TTLL5: variants seen among roughly 807,000 people sequenced by gnomAD.
TTLL5 encodes the protein tubulin polyglutamylase TTLL5.
In TTLL5, 132 loss-of-function variants were observed where a neutral mutation model predicts 168.4. The observed-to-expected ratio is 0.78, with a 90% CI of 0.68 to 0.91. The LOEUF (loss-of-function observed/expected upper bound fraction) is 0.91. Among genes scored for constraint, TTLL5 ranks in the 40% least tolerant of loss-of-function variants. The pLI is 0.00. For synonymous variants in TTLL5, 546 were observed against 558.6 expected, an observed-to-expected ratio of 0.98 and a Z score of 0.32; for missense variants, 1,545 against 1,581.5, an observed-to-expected ratio of 0.98 and a Z score of 0.39.
rs78743176 is a variant in TTLL5, at chr14:75,927,682, C to T, written c.3823+25458C>T. Among the ~76,000 whole-genome samples the T allele has an allele frequency of 6.5e-3, 990 of 152,318 alleles. 58 individuals are homozygous for T. In the East Asian group the frequency reaches 0.15, roughly 24 times the overall value. Reference sequence around the variant, plus strand: ...TCTGCTCTGCCCCTGCTGTTTTATCCTCCCAGGAAAGGTGGTGTGCCTAGG... The same window carrying T: ...TCTGCTCTGCCCCTGCTGTTTTATCTTCCCAGGAAAGGTGGTGTGCCTAGG... On this transcript the variant is annotated intron_variant, in intron 31 of 31. Coordinates refer to ENST00000298832, the MANE Select transcript of TTLL5 (RefSeq NM_015072.5).
chr14:75,709,928 T>C (rs1357629652), intron 9 of TTLL5: 1 of 149,310 alleles, frequency 6.7e-6, no homozygotes, highest in African/African-American at 2.5e-5. Flanking sequence ...ACTTCTCAGA[T>C]ATGCAAGGTT....
At chr14:75,889,610 C>T (rs867491371) in intron 30 of TTLL5, among the ~76,000 whole-genome samples, 7 of 151,906 alleles carry the variant, frequency 4.6e-5, no homozygotes, top group Admixed American at 6.6e-5. Context: ...TGGGGATCAC[C>T]GGAGGTCAGG....
chr14:75,783,123 CTTGTT>C lies in TTLL5; in HGVS notation c.2603-11_2603-7del, dbSNP rs1892160175. The C allele has an allele frequency of 3.2e-6, 5 of 1,574,674 alleles. No homozygotes were observed. The highest frequency in any genetic ancestry group is 1.7e-4 in the Middle Eastern group (1 of 5,902). ...ATGTTTGTTTTTCCTATAATGATGT[CTTGTT>C]TTGTTTTGTTTTTAATAGGATTTAC... On this transcript the variant is annotated intron_variant, in intron 25 of 31. Coordinates refer to ENST00000298832, the MANE Select transcript of TTLL5 (RefSeq NM_015072.5).
chr14:75,674,291 G>A (rs970802956), intron 3 of TTLL5, among the ~76,000 whole-genome samples: 4 of 152,034 alleles, frequency 2.6e-5, no homozygotes, highest in Non-Finnish European at 4.4e-5. Flanking sequence ...ATGACTTTTG[G>A]TAGTTGCTGC....
intron 21 of TTLL5, among the ~76,000 whole-genome samples, chr14:75,775,001 G>A (rs144137385): frequency 1.3e-5 from 2 of 149,094 alleles, no homozygotes; most frequent in African/African-American, 4.9e-5. Context: ...TTTTCTCCTG[G>A]TTTTCTGTGT....
At chr14:75,888,113 T>G (rs2032209083) in intron 30 of TTLL5, among the ~76,000 whole-genome samples, 1 of 152,148 alleles carries the variant, frequency 6.6e-6, no homozygotes. Flanking sequence ...CTCTGCCACT[T>G]AGACTCTCTG....
intron 29 of TTLL5, among the ~76,000 whole-genome samples, chr14:75,875,733 G>A (rs535053866): frequency 6.6e-6 from 1 of 152,156 alleles, no homozygotes; most frequent in South Asian, 2.1e-4. Flanking sequence ...CTCAGAATAG[G>A]TATTTGAATG....
intron 31 of TTLL5, among the ~76,000 whole-genome samples, chr14:75,925,181 G>C (rs1455640531): frequency 1.4e-5 from 2 of 147,716 alleles, no homozygotes; most frequent in African/African-American, 5.0e-5. Context: ...CTGGCCTGGC[G>C]GGGGCTGACC....
chr14:75,946,797 G>A (rs1339532759), intron 31 of TTLL5, among the ~76,000 whole-genome samples: 6 of 152,128 alleles, frequency 3.9e-5, no homozygotes, highest in African/African-American at 1.4e-4. Context: ...GGGGAGGTTC[G>A]CTATTCTAAA....
intron 31 of TTLL5, among the ~76,000 whole-genome samples, chr14:75,951,212 G>A (rs2034950832): frequency 6.6e-6 from 1 of 151,844 alleles, no homozygotes; most frequent in South Asian, 2.1e-4. Flanking sequence ...GCTAGGCATG[G>A]TGGCACATGC....
At chr14:75,860,496 G>A (rs556383913) in intron 28 of TTLL5, among the ~76,000 whole-genome samples, 1 of 152,336 alleles carries the variant, frequency 6.6e-6, no homozygotes, top group Non-Finnish European at 1.5e-5. Flanking sequence ...AGCAACTTCT[G>A]TAACCAGCAA....
At chr14:75,811,193 G>GTGTGTGTGTT (rs1893999616) in intron 27 of TTLL5, among the ~76,000 whole-genome samples, 1 of 151,630 alleles carries the variant, frequency 6.6e-6, no homozygotes, top group African/African-American at 2.4e-5. Context: ...GTGTGTATGT[G>GTGTGTGTGTT]TGTGTGTGTG....
intron 31 of TTLL5, among the ~76,000 whole-genome samples, chr14:75,915,673 A>G (rs1417814279): frequency 3.9e-5 from 6 of 152,240 alleles, no homozygotes; most frequent in African/African-American, 1.4e-4. Flanking sequence ...AACAGCAAAA[A>G]TTCCTGTATA....
intron 29 of TTLL5, among the ~76,000 whole-genome samples, chr14:75,878,215 C>T (rs993017286): frequency 7.2e-5 from 11 of 152,102 alleles, no homozygotes; most frequent in African/African-American, 1.4e-4. Flanking sequence ...GTTAAGATTC[C>T]GTTTGGCTGC....
Position 75,820,096 on chromosome 14 carries a change from C to A in TTLL5, c.3261C>A (p.Gly1087=), listed in dbSNP as rs1403946852. 8 of 1,609,106 alleles carry A rather than the reference C, an allele frequency of 5.0e-6. No homozygotes were observed. The highest frequency in any genetic ancestry group is 6.8e-6 in the Non-Finnish European group (8 of 1,178,038). The stretch of plus-strand genomic sequence containing the variant: ...TCCGACCCATCATCAGTCCTAGTGG[C>A]CCGACATGGTCTACACAGTCAGACC... ...PTLRPIISPS[G]PTWSTQSDPQ... The change falls in exon 28 of 32, where the codon GGC becomes GGA. Residue 1087 remains glycine, a synonymous_variant. Coordinates refer to ENST00000298832, the MANE Select transcript of TTLL5 (RefSeq NM_015072.5).
rs1241378150 is a variant in TTLL5 at position 75,906,801 on chromosome 14, T to C, written c.3823+4577T>C. ...CAAAATGACAGTGAAGTTGGGGCTT[T>C]ATAAACCAAAACTTAGAAGGATGCT... On this transcript the variant is annotated intron_variant, in intron 31 of 31. Transcript: ENST00000298832. 3 of 873,876 alleles carry C rather than the reference T, an allele frequency of 3.4e-6. No individual in the cohort carries two copies. The African/African-American group carries it at 5.5e-5, about 16-fold the overall frequency. 54.1% of individuals were successfully genotyped at this position (873,876 alleles called of 1,614,324 possible).
At chr14:75,698,652 C>T (rs986443022) in intron 6 of TTLL5, among the ~76,000 whole-genome samples, 3 of 152,086 alleles carry the variant, frequency 2.0e-5, no homozygotes, top group South Asian at 2.1e-4. Context: ...CCTGTAATTC[C>T]GGCGCTTTGG....
intron 31 of TTLL5, among the ~76,000 whole-genome samples, chr14:75,933,663 T>C (rs913733803): frequency 6.6e-6 from 1 of 152,222 alleles, no homozygotes; most frequent in Non-Finnish European, 1.5e-5. Context: ...TAAGCTTCTC[T>C]AAAGGCTGCT....
At chr14:75,909,989 T>C (rs925282628) in intron 31 of TTLL5, among the ~76,000 whole-genome samples, 1 of 152,206 alleles carries the variant, frequency 6.6e-6, no homozygotes, top group Non-Finnish European at 1.5e-5. Flanking sequence ...GAAGACAGCC[T>C]GGCTTTTAGT....
Sources: gnomAD v4.1 joint callset for allele counts (sites outside exome capture counted in the v4.1 genomes callset) on GRCh38, gnomAD v4.1.1 for gene constraint, MANE v1.5 for transcripts, NCBI Gene and HGNC (gene_info 2026-07-23, HGNC 2026-07-21) for gene names.